The following GRID1 variants were observed in gnomAD, a reference collection of about 807,000 sequenced individuals.
GRID1 encodes glutamate ionotropic receptor delta type subunit 1.
A neutral mutation model predicts 98.0 loss-of-function variants in GRID1; 28 were observed. The observed-to-expected ratio is 0.29, with a 90% CI of 0.21 to 0.39. The LOEUF is 0.39. Among genes scored for constraint, GRID1 ranks in the 10% least tolerant of loss-of-function variants. The probability of loss-of-function intolerance (pLI) is 1.00; values close to 1 mark genes in which losing one functional copy is unlikely to be tolerated. For missense variants in GRID1, 1,111 were observed against 1,340.5 expected (o/e 0.83, Z 2.67); for synonymous variants, 553 against 538.5 (o/e 1.03, Z -0.37).
intron 2 of GRID1, among the ~76,000 whole-genome samples, chr10:86,282,267 G>A (rs545436472): frequency 2.0e-5 from 3 of 152,300 alleles, no homozygotes; most frequent in African/African-American, 7.2e-5. Context: ...GGAGGCTTGG[G>A]TGTCCCTCTC....
In GRID1 at chr10:85,979,410, T is replaced by G. The variant is rs183172119; in HGVS notation, c.727-63171A>C. 3.1e-4 allele frequency among the ~76,000 whole-genome samples: 47 copies of G among 152,286 alleles called. 1 individual carries two copies. The highest frequency in any genetic ancestry group is 4.6e-4 in the Non-Finnish European group (31 of 68,018). On this transcript the variant is annotated intron_variant, in intron 4 of 15. Transcript: ENST00000327946. ...GCTAGATCAAACAACACAAATGTAT[T>G]ATCTCCCAGTTCTGGAGGATGGAAA...
intron 3 of GRID1, among the ~76,000 whole-genome samples, chr10:86,171,273 G>A (rs974906558): frequency 1.3e-5 from 2 of 152,192 alleles, no homozygotes; most frequent in Admixed American, 6.5e-5. Flanking sequence ...AAGGGACCTG[G>A]GGCAATAGAA....
chr10:85,781,481 A>T (rs1564588904), intron 8 of GRID1, among the ~76,000 whole-genome samples: 1 of 152,214 alleles, frequency 6.6e-6, no homozygotes, highest in Non-Finnish European at 1.5e-5. Flanking sequence ...AAAATACAAC[A>T]TTATTGATTA....
intron 12 of GRID1, among the ~76,000 whole-genome samples, chr10:85,669,146 C>T (rs765418431): frequency 7.9e-5 from 12 of 152,350 alleles, no homozygotes; most frequent in South Asian, 4.1e-4. Flanking sequence ...CCATGTCCAA[C>T]GGCTATTTCA....
At chr10:85,743,322 T>C (rs1841965805) in intron 8 of GRID1, among the ~76,000 whole-genome samples, 1 of 152,090 alleles carries the variant, frequency 6.6e-6, no homozygotes, top group Non-Finnish European at 1.5e-5. Context: ...ACTAGCTGAG[T>C]GTCATTGAGT....
intron 7 of GRID1, among the ~76,000 whole-genome samples, chr10:85,855,438 C>A (rs1475871269): frequency 6.6e-6 from 1 of 152,220 alleles, no homozygotes; most frequent in Non-Finnish European, 1.5e-5. Flanking sequence ...CCTGGCTCTG[C>A]CCTGGGCTGT....
intron 4 of GRID1, among the ~76,000 whole-genome samples, chr10:85,937,158 C>T (rs968127966): frequency 1.4e-4 from 21 of 152,196 alleles, no homozygotes; most frequent in Non-Finnish European, 4.4e-5. Context: ...GTCCAGGCCT[C>T]ATCCCAACAA....
At chr10:85,796,169 A>G (rs1459159960) in intron 8 of GRID1, among the ~76,000 whole-genome samples, 1 of 152,242 alleles carries the variant, frequency 6.6e-6, no homozygotes, top group African/African-American at 2.4e-5. Flanking sequence ...CTGGAATCAC[A>G]GATAATTCTG....
intron 6 of GRID1, among the ~76,000 whole-genome samples, chr10:85,861,970 C>A (rs1248515698): frequency 6.6e-6 from 1 of 152,232 alleles, no homozygotes; most frequent in Admixed American, 6.5e-5. Flanking sequence ...CCTTTCCACA[C>A]TGCACAGAGT....
intron 6 of GRID1, among the ~76,000 whole-genome samples, chr10:85,860,670 CA>C (rs1211155670): frequency 6.6e-6 from 1 of 152,212 alleles, no homozygotes; most frequent in Non-Finnish European, 1.5e-5. Flanking sequence ...ATAGGAACAG[CA>C]ACAGCTTTGG....
intron 4 of GRID1, among the ~76,000 whole-genome samples, chr10:86,059,797 TA>T (rs1191872464): frequency 6.6e-6 from 1 of 152,190 alleles, no homozygotes; most frequent in African/African-American, 2.4e-5. Context: ...GATGTTGTTC[TA>T]AACAAGTCTT....
intron 4 of GRID1, among the ~76,000 whole-genome samples, chr10:85,926,904 A>T (rs1174640507): frequency 6.6e-6 from 1 of 152,218 alleles, no homozygotes; most frequent in Non-Finnish European, 1.5e-5. Flanking sequence ...ATGGATATGA[A>T]ATGGTACAGA....
At chr10:85,981,449 AT>A (rs1842543393) in intron 4 of GRID1, among the ~76,000 whole-genome samples, 1 of 152,194 alleles carries the variant, frequency 6.6e-6, no homozygotes, top group South Asian at 2.1e-4. Context: ...AAGGGCTACA[AT>A]GCCTACTTGG....
chr10:86,308,943 T>C (rs1284311447), intron 2 of GRID1, among the ~76,000 whole-genome samples: 1 of 152,212 alleles, frequency 6.6e-6, no homozygotes, highest in East Asian at 1.9e-4. Context: ...TCTCACTTCT[T>C]AACACCATCA....
intron 13 of GRID1, among the ~76,000 whole-genome samples, chr10:85,634,040 G>A (rs548524902): frequency 7.3e-4 from 111 of 152,092 alleles, no homozygotes; most frequent in African/African-American, 2.5e-3. Flanking sequence ...GCGTGGTGGT[G>A]CATGCCTATA....
chr10:86,345,386 G>A (rs1848367455), intron 2 of GRID1, among the ~76,000 whole-genome samples: 1 of 152,286 alleles, frequency 6.6e-6, no homozygotes, highest in Admixed American at 6.5e-5. Context: ...CAAATTTGGG[G>A]GTCTAAGCCC....
intron 4 of GRID1, among the ~76,000 whole-genome samples, chr10:86,082,150 C>G (rs1248116569): frequency 6.6e-6 from 1 of 152,158 alleles, no homozygotes; most frequent in African/African-American, 2.4e-5. Flanking sequence ...AAACACGAAA[C>G]TGCTTTAAAA....
At chr10:85,780,772 C>T (rs1564588703) in intron 8 of GRID1, among the ~76,000 whole-genome samples, 2 of 152,170 alleles carry the variant, frequency 1.3e-5, no homozygotes, top group African/African-American at 2.4e-5. Flanking sequence ...AAAATGGGGT[C>T]AATATCAATG....
At chr10:85,868,907 T>C (rs1843248350) in intron 6 of GRID1, 103 bp downstream of exon 6, 2 of 892,344 alleles carry the variant, frequency 2.2e-6, no homozygotes, top group Non-Finnish European at 3.6e-6. Context: ...GCTCTAGTAA[T>C]TGAAGTTGGT....
Sources: gnomAD v4.1 joint callset for allele counts (sites outside exome capture counted in the v4.1 genomes callset) on GRCh38, gnomAD v4.1.1 for gene constraint, MANE v1.5 for transcripts, NCBI Gene and HGNC (gene_info 2026-07-23, HGNC 2026-07-21) for gene names.